The following STAU2 variants were observed in gnomAD, a reference collection of about 807,000 sequenced individuals.
The protein encoded by STAU2 is staufen double-stranded RNA binding protein 2.
In STAU2, 20 loss-of-function variants were observed where a neutral mutation model predicts 65.9. The observed-to-expected ratio is 0.30, with a 90% CI of 0.21 to 0.44. STAU2 has a LOEUF of 0.44. Ranked by LOEUF, STAU2 falls within the 20% of genes least tolerant of loss-of-function variation. The pLI, the probability that STAU2 is intolerant of heterozygous loss-of-function variation, is 1.00. For missense variants in STAU2, 558 were observed against 683.9 expected (o/e 0.82, Z 2.05); for synonymous variants, 232 against 233.9 (o/e 0.99, Z 0.07).
intron 13 of STAU2, among the ~76,000 whole-genome samples, chr8:73,450,685 G>A (rs775729267): frequency 6.6e-6 from 1 of 152,216 alleles, no homozygotes; most frequent in Non-Finnish European, 1.5e-5. Context: ...CCTGTATAAT[G>A]CTGATCATCT....
At chr8:73,676,534 G>T (rs1290327170) in intron 5 of STAU2, among the ~76,000 whole-genome samples, 1 of 152,056 alleles carries the variant, frequency 6.6e-6, no homozygotes, top group Admixed American at 6.6e-5. Context: ...CCAAAAAAGC[G>T]CTAACTATAA....
chr8:73,593,892 C>T (rs1253230656), intron 11 of STAU2, among the ~76,000 whole-genome samples: 4 of 151,816 alleles, frequency 2.6e-5, no homozygotes, highest in African/African-American at 9.7e-5. Context: ...CACACACACA[C>T]ACACACACAC....
intron 13 of STAU2, among the ~76,000 whole-genome samples, chr8:73,521,145 G>C (rs1261895016): frequency 1.3e-5 from 2 of 152,132 alleles, no homozygotes; most frequent in African/African-American, 4.8e-5. Context: ...TTAGTTGTAA[G>C]ACATTACAGC....
intron 11 of STAU2, among the ~76,000 whole-genome samples, chr8:73,584,984 T>C (rs1007204236): frequency 6.6e-6 from 1 of 152,236 alleles, no homozygotes; most frequent in African/African-American, 2.4e-5. Flanking sequence ...CTCCAAAACA[T>C]AGCCTGTACT....
At chr8:73,478,386 A>C (rs1820432278) in intron 13 of STAU2, among the ~76,000 whole-genome samples, 1 of 151,804 alleles carries the variant, frequency 6.6e-6, no homozygotes, top group Non-Finnish European at 1.5e-5. Flanking sequence ...TTTGGGCTGC[A>C]TTCAAACCTG....
intron 13 of STAU2, among the ~76,000 whole-genome samples, chr8:73,491,031 G>A (rs1223729587): frequency 6.6e-6 from 1 of 151,948 alleles, no homozygotes; most frequent in East Asian, 1.9e-4. Flanking sequence ...CAAATCCTCG[G>A]CAGTAAAACT....
chr8:73,693,269 C>T (rs575095654), intron 4 of STAU2, among the ~76,000 whole-genome samples: 10 of 152,192 alleles, frequency 6.6e-5, no homozygotes, highest in East Asian at 1.9e-4. Flanking sequence ...GTCAGGAGAT[C>T]GAGACCATCT....
intron 10 of STAU2, among the ~76,000 whole-genome samples, chr8:73,596,538 TTAAA>T (rs1361548086): frequency 1.2e-4 from 18 of 152,318 alleles, no homozygotes; most frequent in African/African-American, 4.3e-4. Flanking sequence ...GAAGAAGTAG[TTAAA>T]TAGTTAATCA....
At chr8:73,738,407 T>C in intron 2 of STAU2, 58 bp from the exon 3 acceptor site, 1 of 1,183,162 alleles carries the variant, frequency 8.5e-7, no homozygotes, top group Non-Finnish European at 1.2e-6. Flanking sequence ...CAATGACTGG[T>C]ATTTTAAACA....
chr8:73,613,076 G>T (rs1454812726), intron 9 of STAU2, among the ~76,000 whole-genome samples: 1 of 152,190 alleles, frequency 6.6e-6, no homozygotes, highest in Admixed American at 6.5e-5. Context: ...CTTTGGCAAG[G>T]TATACACATC....
At chr8:73,575,438 C>G (rs2128958585) in intron 12 of STAU2, among the ~76,000 whole-genome samples, 1 of 152,212 alleles carries the variant, frequency 6.6e-6, no homozygotes, top group South Asian at 2.1e-4. Flanking sequence ...CAACATCCAT[C>G]AAAATTAAAA....
At chr8:73,551,150 A>T in intron 13 of STAU2, 2 of 987,596 alleles carry the variant, frequency 2.0e-6, no homozygotes, top group Non-Finnish European at 2.4e-6. Context: ...AAGGCAACTA[A>T]GAAATCAAGA....
intron 12 of STAU2, among the ~76,000 whole-genome samples, chr8:73,566,904 T>C (rs887476491): frequency 3.9e-5 from 6 of 152,176 alleles, no homozygotes; most frequent in African/African-American, 1.4e-4. Context: ...TCAGAACATC[T>C]TGAGGTCTGA....
intron 6 of STAU2, among the ~76,000 whole-genome samples, chr8:73,646,326 T>C (rs1165610282): frequency 1.3e-5 from 2 of 152,232 alleles, no homozygotes; most frequent in East Asian, 3.8e-4. Context: ...CTATATTATT[T>C]TAACACTTAT....
intron 12 of STAU2, among the ~76,000 whole-genome samples, chr8:73,552,879 T>C (rs1807439030): frequency 6.6e-6 from 1 of 152,168 alleles, no homozygotes; most frequent in Non-Finnish European, 1.5e-5. Context: ...ATCTCAAAAC[T>C]AGCACTGTCT....
chr8:73,709,812 C>T (rs139445111), intron 3 of STAU2, among the ~76,000 whole-genome samples: 12 of 151,816 alleles, frequency 7.9e-5, no homozygotes, highest in Admixed American at 2.6e-4. Context: ...AGTGGTATTC[C>T]ATTCCTGTTA....
chr8:73,646,993 C>T (rs1319650226), intron 6 of STAU2, among the ~76,000 whole-genome samples: 1 of 147,212 alleles, frequency 6.8e-6, no homozygotes, highest in African/African-American at 2.5e-5. Context: ...GTTCAACATC[C>T]CTAACCATTA....
rs1563506792 is a variant in STAU2 at position 73,687,336 on chromosome 8, AT to A, written c.274+1317del. 8.9e-4 allele frequency among the ~76,000 whole-genome samples: 76 copies of A among 85,248 alleles called. 1 individual carries two copies. In the East Asian group the frequency reaches 0.012, roughly 13 times the overall value. 55.9% of individuals were successfully genotyped at this position (85,248 alleles called of 152,430 possible). On this transcript the variant is annotated intron_variant, in intron 5 of 14. Transcript: ENST00000524300. ...ATTTATATTTATATTTATAAATATAATTTATATTTATAATTTATATAATATA... is the reference window on the plus strand; with the variant it reads ...ATTTATATTTATATTTATAAATATAATTATATTTATAATTTATATAATATA...
chr8:73,734,277 G>C (rs1306592531), intron 3 of STAU2, among the ~76,000 whole-genome samples: 2 of 135,878 alleles, frequency 1.5e-5, no homozygotes, highest in Non-Finnish European at 3.1e-5. Flanking sequence ...TCTACAGTAA[G>C]CATAAGTTGC....
Sources: gnomAD v4.1 joint callset for allele counts (sites outside exome capture counted in the v4.1 genomes callset) on GRCh38, gnomAD v4.1.1 for gene constraint, MANE v1.5 for transcripts, NCBI Gene and HGNC (gene_info 2026-07-23, HGNC 2026-07-21) for gene names.